Variants in CLASP1 observed in about 807,000 individuals in gnomAD.
CLASP1 encodes CLIP-associating protein 1.
In CLASP1, 38 loss-of-function variants were observed where a neutral mutation model predicts 192.3. The observed-to-expected ratio is 0.20, with a 90% CI of 0.15 to 0.26. CLASP1 has a LOEUF of 0.26. Ranked by LOEUF, CLASP1 falls within the 10% of genes least tolerant of loss-of-function variation. CLASP1 has a pLI of 1.00. For synonymous variants in CLASP1, 691 were observed against 712.8 expected (o/e 0.97, Z 0.49); for missense variants, 1,433 against 1,932.5 (o/e 0.74, Z 4.85).
chr2:121,526,452 C>T (rs2094576323), intron 5 of CLASP1, among the ~76,000 whole-genome samples: 1 of 152,222 alleles, frequency 6.6e-6, no homozygotes, highest in Non-Finnish European at 1.5e-5. Flanking sequence ...CCATCACCAT[C>T]CCTGTCATGA....
intron 8 of CLASP1, among the ~76,000 whole-genome samples, chr2:121,483,451 T>C (rs2092742614): frequency 6.6e-6 from 1 of 151,572 alleles, no homozygotes; most frequent in Non-Finnish European, 1.5e-5. Flanking sequence ...AGAATATGAA[T>C]GAATATGTGT....
At chr2:121,340,652 G>A in exon 40 of CLASP1, 1 of 546,534 alleles carries the variant, frequency 1.8e-6, no homozygotes, top group East Asian at 2.9e-5. Flanking sequence ...CTTTTGTTTT[G>A]TATGAAGACT....
At chr2:121,607,288 G>A (rs879476227) in intron 1 of CLASP1, among the ~76,000 whole-genome samples, 3 of 152,090 alleles carry the variant, frequency 2.0e-5, no homozygotes, top group Non-Finnish European at 2.9e-5. Context: ...GCGGTGAGCC[G>A]ACACAGTGCC....
At chr2:121,464,778 T>C (rs1312419877) in intron 9 of CLASP1, among the ~76,000 whole-genome samples, 1 of 152,154 alleles carries the variant, frequency 6.6e-6, no homozygotes, top group Non-Finnish European at 1.5e-5. Context: ...TTGCGAAAAT[T>C]TTCTCCCATT....
intron 15 of CLASP1, among the ~76,000 whole-genome samples, chr2:121,451,380 C>T (rs908438777): frequency 6.6e-6 from 1 of 152,134 alleles, no homozygotes; most frequent in African/African-American, 2.4e-5. Flanking sequence ...AAATAATCAC[C>T]TTAACATTAA....
At chr2:121,402,332 A>T (rs1002676330) in intron 26 of CLASP1, among the ~76,000 whole-genome samples, 1 of 152,230 alleles carries the variant, frequency 6.6e-6, no homozygotes, top group Admixed American at 6.5e-5. Context: ...ATTTTTGCTA[A>T]GGCAAAATAG....
intron 16 of CLASP1, among the ~76,000 whole-genome samples, chr2:121,449,881 A>G (rs950066744): frequency 3.3e-5 from 5 of 152,228 alleles, no homozygotes; most frequent in African/African-American, 1.2e-4. Flanking sequence ...GGCTAGTACA[A>G]TTAGATTTTA....
chr2:121,593,483 C>G (rs2062673490), intron 2 of CLASP1, among the ~76,000 whole-genome samples: 1 of 151,732 alleles, frequency 6.6e-6, no homozygotes. Flanking sequence ...GCCGGGCATG[C>G]TGGTGCCTGC....
chr2:121,469,880 TTGG>T, exon 9 of CLASP1: 2 of 1,613,928 alleles, frequency 1.2e-6, no homozygotes, highest in Non-Finnish European at 1.7e-6. Context: ...CTCCGAGAAC[TTGG>T]TGGAGCCTTG....
intron 20 of CLASP1, among the ~76,000 whole-genome samples, chr2:121,427,742 C>A (rs2080691215): frequency 6.6e-6 from 1 of 152,176 alleles, no homozygotes. Context: ...TGTATCACTA[C>A]CATCTTCAAA....
intron 2 of CLASP1, among the ~76,000 whole-genome samples, chr2:121,592,748 G>A (rs990693971): frequency 1.3e-4 from 20 of 152,230 alleles, no homozygotes; most frequent in Admixed American, 1.0e-3. Context: ...GCCCCCCAGG[G>A]TTCACGCCAT....
At chr2:121,436,093 G>A (rs2082262081) in intron 19 of CLASP1, among the ~76,000 whole-genome samples, 1 of 151,360 alleles carries the variant, frequency 6.6e-6, no homozygotes, top group East Asian at 1.9e-4. Flanking sequence ...GTACAGTGGT[G>A]TGATCTCAGC....
chr2:121,494,497 C>A (rs2093446201), intron 8 of CLASP1, among the ~76,000 whole-genome samples: 2 of 150,998 alleles, frequency 1.3e-5, no homozygotes, highest in Non-Finnish European at 3.0e-5. Context: ...TTAAAGGGTA[C>A]AAAAATATAG....
At chr2:121,648,149 C>T (rs1024957265) in intron 1 of CLASP1, among the ~76,000 whole-genome samples, 5 of 152,164 alleles carry the variant, frequency 3.3e-5, no homozygotes, top group African/African-American at 4.8e-5. Flanking sequence ...GCAAACGGAG[C>T]CAATATCCAG....
chr2:121,362,353 G>C (rs879850795), intron 37 of CLASP1, among the ~76,000 whole-genome samples: 10 of 152,032 alleles, frequency 6.6e-5, no homozygotes, highest in Non-Finnish European at 1.3e-4. Flanking sequence ...GAGGCATAGG[G>C]GCTGGACAAT....
intron 22 of CLASP1, among the ~76,000 whole-genome samples, chr2:121,424,064 G>A (rs535998640): frequency 3.9e-4 from 60 of 152,090 alleles, no homozygotes; most frequent in African/African-American, 1.1e-3. Context: ...CTCCCCACCC[G>A]GACCAATCCC....
chr2:121,558,859 G>A (rs532454424), intron 2 of CLASP1, among the ~76,000 whole-genome samples: 8 of 152,284 alleles, frequency 5.3e-5, no homozygotes, highest in South Asian at 2.1e-4. Context: ...ATTTCAGAGC[G>A]AGCCAGATTC....
At chr2:121,415,867 C>T (rs1559101892) in intron 23 of CLASP1, among the ~76,000 whole-genome samples, 1 of 152,146 alleles carries the variant, frequency 6.6e-6, no homozygotes, top group Admixed American at 6.5e-5. Context: ...ATGTGCATCT[C>T]TATGGTACAT....
chr2:121,562,768 G>A (rs907731878), intron 2 of CLASP1, among the ~76,000 whole-genome samples: 1 of 152,164 alleles, frequency 6.6e-6, no homozygotes, highest in African/African-American at 2.4e-5. Flanking sequence ...CAATGATGTG[G>A]CCTGGTACAG....
Sources: gnomAD v4.1 joint callset for allele counts (sites outside exome capture counted in the v4.1 genomes callset) on GRCh38, gnomAD v4.1.1 for gene constraint, MANE v1.5 for transcripts, NCBI Gene and HGNC (gene_info 2026-07-23, HGNC 2026-07-21) for gene names.